ABLIM1: variants seen among roughly 807,000 people sequenced by gnomAD.
ABLIM1 encodes the protein actin binding LIM protein 1.
Under a neutral mutation model 107.0 loss-of-function variants are expected in ABLIM1, and 40 were observed. That is an observed-to-expected ratio of 0.37 (90% CI 0.29 to 0.49). ABLIM1 has a LOEUF of 0.49. Ranked by LOEUF, ABLIM1 falls within the 20% of genes least tolerant of loss-of-function variation. The pLI is 0.97. For synonymous variants in ABLIM1, 357 were observed against 357.3 expected, an observed-to-expected ratio of 1.00 and a Z score of 0.01; for missense variants, 857 against 1,008.5, an observed-to-expected ratio of 0.85 and a Z score of 2.04.
upstream of ABLIM1, among the ~76,000 whole-genome samples, chr10:114,770,592 T>C (rs890023307): frequency 6.6e-6 from 1 of 152,172 alleles, no homozygotes; most frequent in Admixed American, 6.5e-5. Flanking sequence ...AGTGATCTCG[T>C]TCAATCAACT....
chr10:114,641,738 A>G (rs940640470), intron 1 of ABLIM1, among the ~76,000 whole-genome samples: 1 of 152,182 alleles, frequency 6.6e-6, no homozygotes, highest in Non-Finnish European at 1.5e-5. Flanking sequence ...AAACGTCCTG[A>G]GACGGGAGCC....
intron 1 of ABLIM1, among the ~76,000 whole-genome samples, chr10:114,634,193 C>T (rs1030684936): frequency 1.7e-5 from 2 of 114,298 alleles, no homozygotes; most frequent in Non-Finnish European, 1.6e-5. Context: ...AGTGCAGTGG[C>T]GCGATCTCGG....
At chr10:114,771,297 T>C (rs933991279), upstream of ABLIM1, among the ~76,000 whole-genome samples, 11 of 152,196 alleles carry the variant, frequency 7.2e-5, no homozygotes, top group African/African-American at 2.7e-4. Flanking sequence ...ATTATAAAAT[T>C]CACTCCTAGA....
intron 2 of ABLIM1, among the ~76,000 whole-genome samples, chr10:114,578,367 A>G (rs1323502754): frequency 6.6e-6 from 1 of 150,534 alleles, no homozygotes; most frequent in Admixed American, 6.6e-5. Flanking sequence ...TGGTAGCTGT[A>G]TCCATTCTCC....
chr10:114,661,992 A>C (rs946911673), upstream of ABLIM1, among the ~76,000 whole-genome samples: 100 of 152,192 alleles, frequency 6.6e-4, 1 homozygote, highest in Admixed American at 6.5e-3. Flanking sequence ...AGTCACAGTG[A>C]TTCTCCACAA....
intron 6 of ABLIM1, among the ~76,000 whole-genome samples, chr10:114,495,558 AATGATGGTGATG>A (rs1163957994): frequency 6.6e-6 from 1 of 151,886 alleles, no homozygotes; most frequent in Admixed American, 6.6e-5. Flanking sequence ...CAATGAAGAC[AATGATGGTGATG>A]ATGATGGTAA....
chr10:114,787,079 T>C, the ABLIM1 span, among the ~76,000 whole-genome samples: 1 of 150,510 alleles, frequency 6.6e-6, no homozygotes, highest in African/African-American at 2.5e-5. Flanking sequence ...CCATCCCATC[T>C]AGGAAGTGAG....
At chr10:114,767,601 G>A (rs2082928012) in intron 1 of ABLIM1, among the ~76,000 whole-genome samples, 1 of 143,324 alleles carries the variant, frequency 7.0e-6, no homozygotes, top group Non-Finnish European at 1.6e-5. Context: ...GGGGAGTACA[G>A]GTGGGGAATT....
chr10:114,432,220 A>G lies in ABLIM1; in HGVS notation c.*4040T>C, dbSNP rs1245255752. The G allele has an allele frequency of 1.3e-5, 2 of 152,256 alleles. No individual in the cohort carries two copies. The highest frequency in any genetic ancestry group is 2.9e-5 in the Non-Finnish European group (2 of 68,040). The allele number at this position is 152,256 out of a possible 1,614,324, so 9.4% of individuals were successfully genotyped here. ...TAATTGTAAAAATCAAATAAAATTGAGGCTGGCATAGGAAGTACAGATTAA... is the reference window on the plus strand; with the variant it reads ...TAATTGTAAAAATCAAATAAAATTGGGGCTGGCATAGGAAGTACAGATTAA... On this transcript the variant is annotated 3_prime_UTR_variant, in exon 23 of 23. Coordinates refer to ENST00000533213, the MANE Select transcript of ABLIM1 (RefSeq NM_002313.7).
intron 1 of ABLIM1, among the ~76,000 whole-genome samples, chr10:114,657,676 A>G (rs978709540): frequency 6.6e-6 from 1 of 152,092 alleles, no homozygotes; most frequent in African/African-American, 2.4e-5. Context: ...CTTTTCCATC[A>G]TACTTCCTAT....
intron 1 of ABLIM1, among the ~76,000 whole-genome samples, chr10:114,722,175 T>C (rs2142055428): frequency 6.6e-6 from 1 of 152,298 alleles, no homozygotes; most frequent in Middle Eastern, 3.4e-3. Context: ...AGAGGTTTAG[T>C]TGGCTCATGG....
rs1189221171 is a variant in ABLIM1 at position 114,767,119 on chromosome 10, G to T, written c.-213+942C>A. Among the ~76,000 whole-genome samples the T allele has an allele frequency of 5.9e-5, 5 of 84,866 alleles. No individual in the cohort carries two copies. In the East Asian group the frequency reaches 1.2e-3, roughly 21 times the overall value. The allele number at this position is 84,866 out of a possible 152,430, so 55.7% of individuals were successfully genotyped here. On this transcript the variant is annotated intron_variant, in intron 1 of 15. Coordinates refer to the ABLIM1 transcript ENST00000651092. ...CCCAGGATGAACTCTGAAAAGCAGC[G>T]CTTAATTATCCAACACGTTATCAAA...
chr10:114,465,701 G>A lies in ABLIM1; in HGVS notation c.1438C>T (p.Pro480Ser). The A allele has an allele frequency of 6.2e-7, 1 of 1,614,098 alleles. No individual in the cohort carries two copies. The highest frequency in any genetic ancestry group is 8.5e-7 in the Non-Finnish European group (1 of 1,179,990). ...TSRSPQHFHR[P>S]GNEPSSGRNS... is the part of the protein sequence containing the mutation. ...ATCCAGGAACAGTCACCCTTACCAG[G>A]TCTGTGGAAATGCTGGGGAGAGCGG... The change falls in exon 12 of 23, where the codon CCT (proline) becomes TCT (serine). Residue 480 changes from proline to serine, a missense_variant. Pro to Ser is a moderately conservative substitution (Grantham distance 74, BLOSUM62 -1). Transcript: ENST00000533213.
intron 1 of ABLIM1, among the ~76,000 whole-genome samples, chr10:114,728,281 C>A (rs1010099941): frequency 3.3e-5 from 5 of 151,976 alleles, no homozygotes; most frequent in African/African-American, 1.2e-4. Flanking sequence ...GTAATATAAA[C>A]CCACACAGGC....
intron 15 of ABLIM1, 63 bp from the exon 16 acceptor site, chr10:114,445,466 A>G (rs2060873414): frequency 7.3e-7 from 1 of 1,376,282 alleles, no homozygotes; most frequent in Admixed American, 1.7e-5. Flanking sequence ...TTAACGGGCT[A>G]GTCCATCTGT....
chr10:114,609,505 GTTTC>G (rs1405152856), intron 1 of ABLIM1, among the ~76,000 whole-genome samples: 1 of 152,164 alleles, frequency 6.6e-6, no homozygotes, highest in Non-Finnish European at 1.5e-5. Flanking sequence ...CTTGGTTTGT[GTTTC>G]TTTTGCTTTT....
At chr10:114,514,681 A>T (rs944130741) in intron 6 of ABLIM1, among the ~76,000 whole-genome samples, 2 of 152,176 alleles carry the variant, frequency 1.3e-5, no homozygotes, top group Non-Finnish European at 2.9e-5. Context: ...CTCAACCTGA[A>T]TTAATTTTTA....
In ABLIM1 at chr10:114,491,844, C is replaced by T. The variant is rs149547003; in HGVS notation, c.929G>A (p.Arg310Gln). Residue 310 changes from arginine (R) to glutamine (Q), a missense_variant, in exon 7 of 23, where the codon CGA (arginine) becomes CAA (glutamine). Transcript: ENST00000533213. ...GAACATCTGGTTGCATCTGCTGCAT[C>T]GTGCACAGCTGGGGTGGTAATGTTT... Reference protein sequence around the residue: ...GDKHYHPSCARCSRCNQMFTE... With the variant: ...GDKHYHPSCAQCSRCNQMFTE... The T allele has an allele frequency of 1.6e-4, 255 of 1,611,828 alleles. 3 individuals are homozygous for T. The South Asian group carries it at 1.8e-3, about 12-fold the overall frequency.
chr10:114,715,051 TCAAAGCAGAAAGTA>T (rs1217533153), intron 1 of ABLIM1, among the ~76,000 whole-genome samples: 1 of 152,108 alleles, frequency 6.6e-6, no homozygotes, highest in African/African-American at 2.4e-5. Context: ...AACCCCCAAA[TCAAAGCAGAAAGTA>T]CATCTAAAAT....
Sources: allele counts gnomAD v4.1 joint callset (sites outside exome capture counted in the v4.1 genomes callset), GRCh38; gene constraint gnomAD v4.1.1; transcripts MANE v1.5; gene names NCBI Gene and HGNC (gene_info 2026-07-23, HGNC 2026-07-21).